AFF2: variants seen among roughly 807,000 people sequenced by gnomAD.
The protein encoded by AFF2 is AF4/FMR2 family member 2.
A neutral mutation model predicts 76.9 loss-of-function variants in AFF2; 14 were observed. The observed-to-expected ratio is 0.18, with a 90% CI of 0.12 to 0.28. The LOEUF is 0.28. Among genes scored for constraint, AFF2 ranks in the 10% least tolerant of loss-of-function variants. The pLI, the probability that AFF2 is intolerant of heterozygous loss-of-function variation, is 1.00. For synonymous variants in AFF2, 398 were observed against 366.7 expected (o/e 1.09, Z -0.98); for missense variants, 868 against 1,001.1 (o/e 0.87, Z 1.79).
chrX:148,958,539 G>A, intron 12 of AFF2, 81 bp downstream of exon 12: 1 of 1,109,912 alleles, frequency 9.0e-7, no homozygotes, highest in South Asian at 2.1e-5. Context: ...CTGTTTGGGG[G>A]ATCTTGCCCC....
intron 3 of AFF2, among the ~76,000 whole-genome samples, chrX:148,676,162 C>T (rs1037268581): frequency 9.3e-6 from 1 of 107,893 alleles, no homozygotes; most frequent in Admixed American, 9.9e-5. Context: ...CAGGTTCACG[C>T]CATTCTCCGG....
chrX:148,914,227 A>C (rs1370179539), intron 9 of AFF2, among the ~76,000 whole-genome samples: 1 of 111,737 alleles, frequency 8.9e-6, no homozygotes, highest in African/African-American at 3.3e-5. Context: ...TTCAAAAGGC[A>C]CTAAGAGAAG....
intron 1 of AFF2, among the ~76,000 whole-genome samples, chrX:148,639,873 A>G (rs1419759401): frequency 8.9e-6 from 1 of 112,003 alleles, no homozygotes; most frequent in African/African-American, 3.2e-5. Context: ...TTCAATGAGG[A>G]TAGTAGAGGA....
intron 1 of AFF2, among the ~76,000 whole-genome samples, chrX:148,596,343 G>T (rs1460889036): frequency 1.8e-5 from 2 of 111,765 alleles, no homozygotes; most frequent in Non-Finnish European, 3.8e-5. Context: ...CAAGAGCGCC[G>T]CCCGCCTCCA....
intron 1 of AFF2, among the ~76,000 whole-genome samples, chrX:148,581,034 TAC>T (rs1167239651): frequency 6.3e-4 from 60 of 95,271 alleles, no homozygotes; most frequent in African/African-American, 2.4e-3. Context: ...TGTGTATATA[TAC>T]ACACATATAT....
intron 3 of AFF2, among the ~76,000 whole-genome samples, chrX:148,784,399 T>C (rs957817466): frequency 2.5e-4 from 28 of 111,783 alleles, no homozygotes; most frequent in African/African-American, 8.8e-4. Flanking sequence ...GCCATCAAAG[T>C]GTCAGCAGCA....
At chrX:148,553,159 A>G (rs1219472043) in intron 1 of AFF2, among the ~76,000 whole-genome samples, 5 of 112,057 alleles carry the variant, frequency 4.5e-5, no homozygotes, top group African/African-American at 6.5e-5. Flanking sequence ...ACACAATAAA[A>G]TATACGGGTA....
chrX:148,586,444 A>T (rs1431257138), intron 1 of AFF2, among the ~76,000 whole-genome samples: 1 of 112,087 alleles, frequency 8.9e-6, no homozygotes, highest in Non-Finnish European at 1.9e-5. Context: ...TTCCTCTCAT[A>T]AGTATACATT....
At chrX:148,537,967 C>T (rs1224915387) in intron 1 of AFF2, among the ~76,000 whole-genome samples, 1 of 112,231 alleles carries the variant, frequency 8.9e-6, no homozygotes, top group African/African-American at 3.2e-5. Context: ...CCGCACAGGA[C>T]GTGCGGGGGT....
chrX:148,837,361 A>G (rs2070539416), intron 4 of AFF2, among the ~76,000 whole-genome samples: 1 of 111,835 alleles, frequency 8.9e-6, no homozygotes, highest in Admixed American at 9.5e-5. Context: ...AGTACAGTCT[A>G]TAAGTAGAAG....
intron 4 of AFF2, among the ~76,000 whole-genome samples, chrX:148,822,704 GGTGTGTGT>G (rs36003565): frequency 4.3e-5 from 4 of 92,248 alleles, no homozygotes; most frequent in South Asian, 6.1e-4. Context: ...ATTCCTCCAG[GGTGTGTGT>G]GTGTGTGTGT....
chrX:148,739,271 G>A (rs970589558), intron 3 of AFF2, among the ~76,000 whole-genome samples: 4 of 111,672 alleles, frequency 3.6e-5, no homozygotes, highest in African/African-American at 1.3e-4. Flanking sequence ...AGGTCTATTA[G>A]TAATCATTTT....
intron 1 of AFF2, among the ~76,000 whole-genome samples, chrX:148,598,929 C>T (rs1344675476): frequency 3.6e-5 from 4 of 112,392 alleles, no homozygotes; most frequent in Non-Finnish European, 7.5e-5. Flanking sequence ...TCCCTTCTGT[C>T]GGGCTAAATA....
intron 12 of AFF2, among the ~76,000 whole-genome samples, chrX:148,961,109 G>A (rs1216445230): frequency 1.8e-5 from 2 of 112,088 alleles, no homozygotes; most frequent in African/African-American, 3.2e-5. Context: ...TTGCATGACT[G>A]TAGTTGCCAA....
In AFF2 at chrX:148,942,071, A is replaced by G. The variant is rs150018539; in HGVS notation, c.1398-11509A>G. The stretch of plus-strand genomic sequence containing the variant: ...GTGCAGGTTAGCACAACGAAATAAA[A>G]TCATCTGAGATTAATGAAGTGATAA... On this transcript the variant is annotated intron_variant, in intron 9 of 20. Transcript: ENST00000370460. Among the ~76,000 whole-genome samples the G allele has an allele frequency of 2.1e-3, 227 of 110,327 alleles. 2 individuals carry two copies. The highest frequency in any genetic ancestry group is 6.9e-3 in the African/African-American group (209 of 30,361).
chrX:148,885,620 A>T (rs2071149246), intron 7 of AFF2, among the ~76,000 whole-genome samples: 1 of 111,888 alleles, frequency 8.9e-6, no homozygotes, highest in Non-Finnish European at 1.9e-5. Context: ...GTAAAAATGT[A>T]TAGAATCCAG....
intron 16 of AFF2, among the ~76,000 whole-genome samples, chrX:148,974,255 T>A (rs2072293900): frequency 9.0e-6 from 1 of 110,803 alleles, no homozygotes; most frequent in Admixed American, 9.6e-5. Flanking sequence ...TATCAAAAAA[T>A]TCATAGAAGA....
chrX:148,735,673 T>G (rs2055276722), intron 3 of AFF2, among the ~76,000 whole-genome samples: 1 of 111,196 alleles, frequency 9.0e-6, no homozygotes, highest in Non-Finnish European at 1.9e-5. Flanking sequence ...GTTGCATGTG[T>G]AAGTTTTTTA....
At chrX:148,517,038 C>T (rs782026989) in intron 1 of AFF2, among the ~76,000 whole-genome samples, 6 of 112,020 alleles carry the variant, frequency 5.4e-5, no homozygotes, top group Non-Finnish European at 1.1e-4. Context: ...AATAGGCATT[C>T]ATTCATTCGT....
Sources: gnomAD v4.1 joint callset for allele counts (sites outside exome capture counted in the v4.1 genomes callset) on GRCh38, gnomAD v4.1.1 for gene constraint, MANE v1.5 for transcripts, NCBI Gene and HGNC (gene_info 2026-07-23, HGNC 2026-07-21) for gene names.